Variants in WNK1 observed in about 807,000 individuals in gnomAD.
WNK1 encodes serine/threonine-protein kinase WNK1.
In WNK1, 38 loss-of-function variants were observed where a neutral mutation model predicts 222.8. That is an observed-to-expected ratio of 0.17 (90% CI 0.13 to 0.22). The LOEUF (loss-of-function observed/expected upper bound fraction) is 0.22, where lower values mean the gene tolerates loss of function less well. Ranked by LOEUF, WNK1 falls within the 10% of genes least tolerant of loss-of-function variation. The probability of loss-of-function intolerance (pLI) is 1.00; values close to 1 mark genes in which losing one functional copy is unlikely to be tolerated. For missense variants in WNK1, 2,348 were observed against 2,918.4 expected (o/e 0.80, Z 4.50); for synonymous variants, 1,090 against 1,092.9 (o/e 1.00, Z 0.05).
chr12:834,079 CAAA>C (rs894522584), intron 4 of WNK1, among the ~76,000 whole-genome samples: 6 of 151,874 alleles, frequency 4.0e-5, no homozygotes, highest in African/African-American at 1.2e-4. Flanking sequence ...TATGAACTGT[CAAA>C]AAGAGAAGGT....
Position 880,919 on chromosome 12 carries a change from G to A in WNK1, c.3031G>A (p.Gly1011Arg). 2 of 1,614,168 alleles carry A rather than the reference G, an allele frequency of 1.2e-6. 1 individual carries two copies. Among genetic ancestry groups the A allele is most frequent in the Non-Finnish European group, 1.7e-6 (2 of 1,180,040 alleles). ...SNLLVPMGGV[G>R]GQVQVSQPGG... Reference sequence around the variant, plus strand: ...TCTTTTAGTTCCTATGGGTGGTGTAGGAGGACAGGTTCAAGTGTCCCAGCC... The same window carrying A: ...TCTTTTAGTTCCTATGGGTGGTGTAAGAGGACAGGTTCAAGTGTCCCAGCC... The change falls in exon 12 of 28, where the codon GGA (glycine) becomes AGA (arginine). Residue 1011 changes from glycine (G) to arginine (R), a missense_variant. Coordinates refer to ENST00000315939, the MANE Select transcript of WNK1 (RefSeq NM_018979.4).
chr12:886,618 G>A (rs1592180825), intron 19 of WNK1, among the ~76,000 whole-genome samples: 4 of 152,184 alleles, frequency 2.6e-5, no homozygotes, highest in Admixed American at 2.6e-4. Flanking sequence ...TGCTGTGGTG[G>A]ATTTCCTCTT....
At position 760,217 on chromosome 12, in the gene WNK1, G is replaced by T. The variant is rs147042682; in HGVS notation, c.759+5893G>T. On this transcript the variant is annotated intron_variant, in intron 1 of 27. Coordinates refer to ENST00000315939, the MANE Select transcript of WNK1 (RefSeq NM_018979.4). ...TCTCATCTTTGCATGTATCTAGAAA[G>T]CATATTTTCTTTTGGTGGATCTCAT... Among the ~76,000 whole-genome samples, 182 of 147,806 alleles carry T rather than the reference G, an allele frequency of 1.2e-3. 18 individuals are homozygous for T. The highest frequency in any genetic ancestry group is 2.0e-3 in the Non-Finnish European group (134 of 66,108).
chr12:835,015 T>G (rs1591927760), intron 4 of WNK1, among the ~76,000 whole-genome samples: 1 of 152,250 alleles, frequency 6.6e-6, no homozygotes, highest in Non-Finnish European at 1.5e-5. Context: ...ACATACTTCT[T>G]TCTTGTGAAT....
intron 1 of WNK1, among the ~76,000 whole-genome samples, chr12:813,240 A>G (rs1218656044): frequency 6.6e-6 from 1 of 152,228 alleles, no homozygotes; most frequent in Non-Finnish European, 1.5e-5. Context: ...CTTTTAAACA[A>G]ACAAACAAAA....
chr12:881,834 G>A (rs757849439), intron 13 of WNK1, 45 bp downstream of exon 13: 15 of 1,612,998 alleles, frequency 9.3e-6, no homozygotes, highest in African/African-American at 2.7e-5. Flanking sequence ...TAAATAAGAC[G>A]GTATGAAACG....
At chr12:816,447 A>ATTT (rs11454038) in intron 2 of WNK1, among the ~76,000 whole-genome samples, 1 of 145,526 alleles carries the variant, frequency 6.9e-6, no homozygotes, top group Non-Finnish European at 1.5e-5. Flanking sequence ...TAAAAAAACA[A>ATTT]TTTTTTTTTT....
At chr12:793,194 C>A (rs1158677341) in intron 1 of WNK1, among the ~76,000 whole-genome samples, 1 of 152,062 alleles carries the variant, frequency 6.6e-6, no homozygotes, top group Non-Finnish European at 1.5e-5. Context: ...ATGACTGTTA[C>A]CAAATAATAG....
chr12:790,891 T>C (rs555165376), intron 1 of WNK1, among the ~76,000 whole-genome samples: 105 of 152,228 alleles, frequency 6.9e-4, no homozygotes, highest in Non-Finnish European at 1.4e-3. Flanking sequence ...ATTTTAGAAA[T>C]GAAGATGTAG....
At chr12:820,760 GC>G (rs1555109390) in intron 2 of WNK1, among the ~76,000 whole-genome samples, 1 of 152,110 alleles carries the variant, frequency 6.6e-6, no homozygotes, top group Non-Finnish European at 1.5e-5. Context: ...ACAGGTGTGT[GC>G]CACCACACCT....
chr12:864,982 C>A (rs946598971), intron 8 of WNK1: 16 of 1,075,506 alleles, frequency 1.5e-5, no homozygotes, highest in South Asian at 4.2e-5. Flanking sequence ...AAAAAAAAAA[C>A]TGACTTTGTG....
At chr12:804,790 A>G (rs1178039486) in intron 1 of WNK1, among the ~76,000 whole-genome samples, 1 of 151,934 alleles carries the variant, frequency 6.6e-6, no homozygotes, top group Non-Finnish European at 1.5e-5. Context: ...GATGTACCTC[A>G]TGTAAGTAGA....
Position 859,633 on chromosome 12 carries a change from T to TGTGTGTGTGTGTGG in WNK1, c.1620+169_1620+170insGTGTGTGTGTGTGG, listed in dbSNP as rs372754842. On this transcript the variant is annotated intron_variant, in intron 6 of 27. Coordinates refer to ENST00000315939, the MANE Select transcript of WNK1 (RefSeq NM_018979.4). The stretch of plus-strand genomic sequence containing the variant: ...TTAGTGGGATTTTCGTGTGTGTGTG[T>TGTGTGTGTGTGTGG]TTTTTTTTTTTTTAAACTTCTTTGT... Among the ~76,000 whole-genome samples the TGTGTGTGTGTGTGG allele has an allele frequency of 0.015, 913 of 62,680 alleles. 7 individuals are homozygous for TGTGTGTGTGTGTGG. Among genetic ancestry groups the TGTGTGTGTGTGTGG allele is most frequent in the African/African-American group, 0.036 (823 of 22,600 alleles). The allele number at this position is 62,680 out of a possible 152,430, so 41.1% of individuals were successfully genotyped here. A position where few individuals can be genotyped will look rare whatever the true frequency, so the allele number is the denominator to read the frequency against.
rs1372245575 is a variant in WNK1, at chr12:911,255, A to ATTAT, written c.*2467_*2470dup. ...TCTGAATTATAAATGTTTTCCTTACATTATTTAACAATGTACACTGTTAAA... is the reference window on the plus strand; with the variant it reads ...TCTGAATTATAAATGTTTTCCTTACATTATTTATTTAACAATGTACACTGTTAAA... On this transcript the variant is annotated 3_prime_UTR_variant, in exon 28 of 28. Coordinates refer to ENST00000315939, the MANE Select transcript of WNK1 (RefSeq NM_018979.4). 4 of 398,470 alleles carry ATTAT rather than the reference A, an allele frequency of 1.0e-5. No individual in the cohort carries two copies. Among genetic ancestry groups the ATTAT allele is most frequent in the African/African-American group, 4.1e-5 (2 of 48,626 alleles). 24.7% of individuals were successfully genotyped at this position (398,470 alleles called of 1,614,324 possible).
At chr12:903,308 C>A (rs1417254882) in intron 26 of WNK1, among the ~76,000 whole-genome samples, 2 of 152,054 alleles carry the variant, frequency 1.3e-5, no homozygotes, top group Non-Finnish European at 2.9e-5. Context: ...CGATCGTTTT[C>A]CAGGCTTGTG....
chr12:783,477 A>G (rs1943935081), intron 1 of WNK1, among the ~76,000 whole-genome samples: 1 of 138,756 alleles, frequency 7.2e-6, no homozygotes. Context: ...ACAAACCAAG[A>G]TGCTGTCTCC....
chr12:803,514 G>T (rs1055002872), intron 1 of WNK1, among the ~76,000 whole-genome samples: 2 of 152,184 alleles, frequency 1.3e-5, no homozygotes, highest in Non-Finnish European at 2.9e-5. Context: ...TGGGCACAGT[G>T]GCTCACGCCT....
chr12:875,578 C>A (rs1952532975), intron 9 of WNK1, among the ~76,000 whole-genome samples: 1 of 151,860 alleles, frequency 6.6e-6, no homozygotes, highest in Non-Finnish European at 1.5e-5. Context: ...TTAAAGATCT[C>A]TTTAAGATGT....
In WNK1 at chr12:861,024, G is replaced by C; in HGVS notation, c.1632G>C (p.Gly544=). ...CTTTTATTCTGTAGGTAGAGTCTGGGTATGTCTGTGAAGGTGATCACAAGA... is the reference window on the plus strand; with the variant it reads ...CTTTTATTCTGTAGGTAGAGTCTGGCTATGTCTGTGAAGGTGATCACAAGA... The part of the protein sequence containing the change: ...EDVAQEMVES[G]YVCEGDHKTM... Residue 544 remains glycine (G), a synonymous_variant, in exon 7 of 28, where the codon GGG becomes GGC. Coordinates refer to ENST00000315939, the MANE Select transcript of WNK1 (RefSeq NM_018979.4). 6.2e-7 allele frequency: 1 copy of C among 1,613,420 alleles called. No homozygotes were observed. The highest frequency in any genetic ancestry group is 8.5e-7 in the Non-Finnish European group (1 of 1,179,898).
Sources: allele counts gnomAD v4.1 joint callset (sites outside exome capture counted in the v4.1 genomes callset), GRCh38; gene constraint gnomAD v4.1.1; transcripts MANE v1.5; gene names NCBI Gene and HGNC (gene_info 2026-07-23, HGNC 2026-07-21).